The following FRMD4A variants were observed in gnomAD, a reference collection of about 807,000 sequenced individuals.
FRMD4A encodes the protein FERM domain-containing protein 4A.
Under a neutral mutation model 129.1 loss-of-function variants are expected in FRMD4A, and 29 were observed. The ratio of observed to expected loss-of-function variants is 0.22; its 90% CI spans 0.17 to 0.31. FRMD4A has a LOEUF of 0.31. Among genes scored for constraint, FRMD4A ranks in the 10% least tolerant of loss-of-function variants. The probability of loss-of-function intolerance (pLI) is 1.00; values close to 1 mark genes in which losing one functional copy is unlikely to be tolerated. For synonymous variants in FRMD4A, 634 were observed against 571.6 expected, an observed-to-expected ratio of 1.11 and a Z score of -1.56; for missense variants, 1,272 against 1,375.8, an observed-to-expected ratio of 0.92 and a Z score of 1.19.
At chr10:13,658,132 T>TC (rs1554826713) in intron 21 of FRMD4A, among the ~76,000 whole-genome samples, 121 of 81,240 alleles carry the variant, frequency 1.5e-3, no homozygotes, top group East Asian at 9.7e-3. Flanking sequence ...CTGTCTCTCT[T>TC]AAAAAAAAAA....
intron 2 of FRMD4A, among the ~76,000 whole-genome samples, chr10:14,123,325 G>C (rs1838644043): frequency 1.3e-5 from 2 of 152,280 alleles, no homozygotes; most frequent in Non-Finnish European, 2.9e-5. Context: ...CATCATTCCA[G>C]CTCTGCCCCA....
At chr10:14,277,978 G>A (rs549482238) in intron 2 of FRMD4A, among the ~76,000 whole-genome samples, 1 of 152,316 alleles carries the variant, frequency 6.6e-6, no homozygotes, top group East Asian at 1.9e-4. Flanking sequence ...TTGAATGGTT[G>A]AATGGTGCTC....
At chr10:13,804,000 G>A (rs112338961) in intron 4 of FRMD4A, among the ~76,000 whole-genome samples, 255 of 152,294 alleles carry the variant, frequency 1.7e-3, no homozygotes, top group African/African-American at 5.8e-3. Context: ...GGAGGGCACC[G>A]TTCTTTTTGT....
intron 3 of FRMD4A, among the ~76,000 whole-genome samples, chr10:13,827,746 G>A (rs2093724267): frequency 6.6e-6 from 1 of 152,186 alleles, no homozygotes. Flanking sequence ...CTGCCAGGAA[G>A]CAAGGAATGG....
chr10:14,095,084 G>A (rs1404116975), intron 2 of FRMD4A, among the ~76,000 whole-genome samples: 2 of 152,174 alleles, frequency 1.3e-5, no homozygotes, highest in Non-Finnish European at 2.9e-5. Flanking sequence ...GTCTCTTATT[G>A]ATGTGAATTG....
chr10:13,867,701 ATAAT>A (rs2094387087), intron 2 of FRMD4A, among the ~76,000 whole-genome samples: 2 of 14,532 alleles, frequency 1.4e-4, no homozygotes, highest in Non-Finnish European at 3.7e-4. Flanking sequence ...AATATAATAT[ATAAT>A]AAATAACATA....
At chr10:14,276,201 G>A (rs186635876) in intron 2 of FRMD4A, among the ~76,000 whole-genome samples, 9 of 152,244 alleles carry the variant, frequency 5.9e-5, no homozygotes, top group South Asian at 2.1e-4. Context: ...GTCCCTTTTC[G>A]TTCTAAAATT....
At chr10:14,239,780 T>C (rs1379643017) in intron 2 of FRMD4A, among the ~76,000 whole-genome samples, 8 of 152,114 alleles carry the variant, frequency 5.3e-5, no homozygotes, top group African/African-American at 2.4e-5. Context: ...GAACAGAGAA[T>C]AGGAGAAAGA....
Position 13,717,692 on chromosome 10 carries a change from G to GTTTT in FRMD4A, c.760-10583_760-10580dup, listed in dbSNP as rs35059886. ...CTTTAGGGAGAAACCTGTTGTTCTT[G>GTTTT]TTTTTTTTTTTTTTTTTTCCAGGGG... On this transcript the variant is annotated intron_variant, in intron 12 of 24. Transcript: ENST00000357447. Among the ~76,000 whole-genome samples the GTTTT allele has an allele frequency of 1.7e-3, 161 of 95,240 alleles. 7 individuals carry two copies. The South Asian group carries it at 0.045, about 26-fold the overall frequency. The allele number at this position is 95,240 out of a possible 152,430, so 62.5% of individuals were successfully genotyped here.
Position 13,879,752 on chromosome 10 carries a change from C to T in FRMD4A, c.46-20840G>A, listed in dbSNP as rs549800377. 2.4e-5 allele frequency among the ~76,000 whole-genome samples: 3 copies of T among 126,156 alleles called. No individual in the cohort carries two copies. The South Asian group carries it at 1.0e-3, about 42-fold the overall frequency. 82.8% of individuals were successfully genotyped at this position (126,156 alleles called of 152,430 possible). A position where few individuals can be genotyped will look rare whatever the true frequency, so the allele number is the denominator to read the frequency against. ...CTCCCTCCTCCTCTCCCTTCTCCCCCCTCCCCCTCCCCCTCCTTCCCCTTC... is the reference window on the plus strand; with the variant it reads ...CTCCCTCCTCCTCTCCCTTCTCCCCTCTCCCCCTCCCCCTCCTTCCCCTTC... On this transcript the variant is annotated intron_variant, in intron 2 of 24. Transcript: ENST00000357447.
intron 2 of FRMD4A, among the ~76,000 whole-genome samples, chr10:14,278,620 G>A (rs1254912994): frequency 6.6e-6 from 1 of 152,188 alleles, no homozygotes; most frequent in Non-Finnish European, 1.5e-5. Context: ...GCCCAAAGAA[G>A]CGGCACGTGT....
chr10:13,999,309 T>C lies in FRMD4A; in HGVS notation c.46-140397A>G, dbSNP rs551708311. On this transcript the variant is annotated intron_variant, in intron 2 of 24. Transcript: ENST00000357447. ...ACGAAAGCGCAGACTTAGCTGTGTCTCTTGGGCCTAGAACACTGTCTGGCA... is the reference window on the plus strand; with the variant it reads ...ACGAAAGCGCAGACTTAGCTGTGTCCCTTGGGCCTAGAACACTGTCTGGCA... Among the ~76,000 whole-genome samples, 8 of 152,296 alleles carry C rather than the reference T, an allele frequency of 5.3e-5. No individual in the cohort carries two copies. In the South Asian group the frequency reaches 1.7e-3, roughly 32 times the overall value.
At chr10:14,220,481 A>G (rs1351894335) in intron 2 of FRMD4A, among the ~76,000 whole-genome samples, 2 of 152,210 alleles carry the variant, frequency 1.3e-5, no homozygotes, top group African/African-American at 2.4e-5. Context: ...GGGTGCCAGG[A>G]TGACCCCATC....
At chr10:13,662,785 ATCCTTACACTC>A (rs1370169463) in intron 19 of FRMD4A, among the ~76,000 whole-genome samples, 3 of 152,212 alleles carry the variant, frequency 2.0e-5, no homozygotes, top group East Asian at 3.9e-4. Context: ...TCTTCTCACG[ATCCTTACACTC>A]TCCTAGTGGG....
chr10:14,080,208 C>T (rs942624444), intron 2 of FRMD4A, among the ~76,000 whole-genome samples: 1 of 152,132 alleles, frequency 6.6e-6, no homozygotes, highest in Non-Finnish European at 1.5e-5. Flanking sequence ...CCCACAAAGG[C>T]CCCCACTCTA....
intron 2 of FRMD4A, among the ~76,000 whole-genome samples, chr10:14,252,371 G>C (rs144425681): frequency 1.3e-4 from 20 of 152,274 alleles, no homozygotes; most frequent in African/African-American, 4.8e-4. Context: ...TATTAAGAAT[G>C]TTCTTTACAG....
chr10:13,718,935 T>TG (rs1177665115), intron 12 of FRMD4A, among the ~76,000 whole-genome samples: 1 of 152,218 alleles, frequency 6.6e-6, no homozygotes, highest in Non-Finnish European at 1.5e-5. Context: ...AGCATGTACC[T>TG]GGGGGCATAT....
In FRMD4A at chr10:13,659,345, G is replaced by T; in HGVS notation, c.2044C>A (p.Pro682Thr). 6.2e-7 allele frequency: 1 copy of T among 1,614,098 alleles called. No homozygotes were observed. ...PSTPDLRVRSPHYVHSTRSVD... is the reference protein window; with the variant it reads ...PSTPDLRVRSTHYVHSTRSVD... ...CACCTCGTGGAATGGACGTAGTGGG[G>T]ACTCCGGACCCGCAGGTCTGGCGTG... The change falls in exon 21 of 25, where the codon CCC becomes ACC. Residue 682 changes from proline (P) to threonine (T), a missense_variant. By Grantham distance (38) the Pro-to-Thr change is conservative. Coordinates refer to ENST00000357447, the MANE Select transcript of FRMD4A (RefSeq NM_018027.5).
chr10:14,186,428 C>T (rs1842148762), intron 2 of FRMD4A, among the ~76,000 whole-genome samples: 1 of 152,176 alleles, frequency 6.6e-6, no homozygotes. Flanking sequence ...AGAATCCACC[C>T]CGTAAACCTC....
Sources: gnomAD v4.1 joint callset for allele counts (sites outside exome capture counted in the v4.1 genomes callset) on GRCh38, gnomAD v4.1.1 for gene constraint, MANE v1.5 for transcripts, NCBI Gene and HGNC (gene_info 2026-07-23, HGNC 2026-07-21) for gene names.